Variants in TMEM140 observed in about 807,000 individuals in gnomAD.
TMEM140 encodes transmembrane protein 140.
For synonymous variants in TMEM140, 107 were observed against 106.8 expected, an observed-to-expected ratio of 1.00 and a Z score of -0.01; for missense variants, 236 against 228.5, an observed-to-expected ratio of 1.03 and a Z score of -0.21.
At position 135,164,932 on chromosome 7, in the gene TMEM140, T is replaced by C. The variant is rs756322177; in HGVS notation, c.491T>C (p.Leu164Ser). 9.3e-6 allele frequency: 15 copies of C among 1,613,766 alleles called. No individual in the cohort carries two copies. In the South Asian group the frequency reaches 1.6e-4, roughly 18 times the overall value. The change falls in exon 2 of 2, where the codon TTG (leucine) becomes TCG (serine). Residue 164 changes from leucine (L) to serine (S), a missense_variant. Leu to Ser is a moderately radical substitution (Grantham distance 145). Transcript: ENST00000275767. ...AGCGCCCAGGCCTTACTCATCCTCT[T>C]GCTTATAGCCATGGCTGTGTTCCCT... Reference protein sequence around the residue: ...LGSAQALLILLLIAMAVFPLR... With the variant: ...LGSAQALLILSLIAMAVFPLR...
chr7:135,148,421 G>C (rs1298040510), intron 1 of TMEM140, among the ~76,000 whole-genome samples, 151 bp downstream of exon 1: 5 of 152,178 alleles, frequency 3.3e-5, no homozygotes, highest in Non-Finnish European at 5.9e-5. Context: ...CCTCGCTCAT[G>C]TCTGTATAAT....
chr7:135,163,582 T>C (rs1231745862), intron 1 of TMEM140, among the ~76,000 whole-genome samples: 15 of 152,112 alleles, frequency 9.9e-5, no homozygotes, highest in Non-Finnish European at 1.5e-5. Context: ...GAGGCAGAGA[T>C]TGCAGTGAGC....
chr7:135,159,941 A>G (rs1265093896), intron 1 of TMEM140, among the ~76,000 whole-genome samples: 7 of 152,248 alleles, frequency 4.6e-5, no homozygotes, highest in African/African-American at 1.4e-4. Flanking sequence ...TGGTGGAAAC[A>G]TAAGTTGATT....
At chr7:135,160,127 C>T (rs1416621157) in intron 1 of TMEM140, among the ~76,000 whole-genome samples, 1 of 152,178 alleles carries the variant, frequency 6.6e-6, no homozygotes, top group African/African-American at 2.4e-5. Context: ...TTTATGTAAT[C>T]CCAACAGTGT....
At chr7:135,156,389 T>C (rs1021479312) in intron 1 of TMEM140, among the ~76,000 whole-genome samples, 4 of 152,170 alleles carry the variant, frequency 2.6e-5, no homozygotes, top group African/African-American at 9.7e-5. Flanking sequence ...AAAGGCTTTA[T>C]TCATTCTTTT....
At chr7:135,164,333 A>T in intron 1 of TMEM140, 85 bp from the exon 2 acceptor site, 1 of 1,166,950 alleles carries the variant, frequency 8.6e-7, no homozygotes, top group Non-Finnish European at 1.2e-6. Flanking sequence ...AGTTTGTAAG[A>T]AATGCCAAAG....
At chr7:135,157,182 C>T (rs1033272698) in intron 1 of TMEM140, among the ~76,000 whole-genome samples, 5 of 152,190 alleles carry the variant, frequency 3.3e-5, no homozygotes, top group African/African-American at 4.8e-5. Context: ...GATTTCTTTG[C>T]GTCTGGTGTA....
intron 1 of TMEM140, among the ~76,000 whole-genome samples, chr7:135,156,943 G>C (rs1406445894): frequency 6.6e-6 from 1 of 152,172 alleles, no homozygotes; most frequent in Non-Finnish European, 1.5e-5. Flanking sequence ...GGGTTCATCA[G>C]GGTTTCTGCT....
Position 135,164,850 on chromosome 7 carries a change from T to C in TMEM140, c.409T>C (p.Tyr137His). The change falls in exon 2 of 2, where the codon TAT (tyrosine) becomes CAT (histidine). Residue 137 changes from tyrosine (Y) to histidine (H), a missense_variant. Transcript: ENST00000275767. ...AGGCGGCCTGGGCCTCTTCCTCTCC[T>C]ATGTGTGGAAGTGGGTCAGGCTCTC... Reference protein sequence around the residue: ...LAGGLGLFLSYVWKWVRLSLP... With the variant: ...LAGGLGLFLSHVWKWVRLSLP... 1 of 1,613,974 alleles carries C rather than the reference T, an allele frequency of 6.2e-7. No individual in the cohort carries two copies. The highest frequency in any genetic ancestry group is 8.5e-7 in the Non-Finnish European group (1 of 1,179,870).
rs919263873 is a variant in TMEM140 at position 135,161,337 on chromosome 7, AT to A, written c.-24-3073del. ...TGTTTTCAAAGCAAAACGTTTAATA[AT>A]TTTTTTTGGAACCCCAGTGTAACAG... On this transcript the variant is annotated intron_variant, in intron 1 of 1. Coordinates refer to ENST00000275767, the MANE Select transcript of TMEM140 (RefSeq NM_018295.5). The surrounding 1 kb of genome is among the most constrained non-coding windows in gnomAD (Gnocchi z 4.1). Among the ~76,000 whole-genome samples, 6 of 152,040 alleles carry A rather than the reference AT, an allele frequency of 3.9e-5. No individual in the cohort carries two copies. Among genetic ancestry groups the A allele is most frequent in the Non-Finnish European group, 5.9e-5 (4 of 67,970 alleles).
chr7:135,153,558 A>G (rs1328957054), intron 1 of TMEM140, among the ~76,000 whole-genome samples: 1 of 152,154 alleles, frequency 6.6e-6, no homozygotes. Context: ...GGGAATGTAA[A>G]TTAATACAAC....
chr7:135,164,960 G>C lies in TMEM140; in HGVS notation c.519G>C (p.Leu173=). Reference sequence around the variant, plus strand: ...TTATAGCCATGGCTGTGTTCCCTCTGAGGGCTGAGAGGGCTGAGAGCAAGC... The same window carrying C: ...TTATAGCCATGGCTGTGTTCCCTCTCAGGGCTGAGAGGGCTGAGAGCAAGC... The part of the protein sequence containing the change: ...LLLIAMAVFP[L]RAERAESKLE... The change falls in exon 2 of 2, where the codon CTG becomes CTC. Residue 173 remains leucine (L), a synonymous_variant. Coordinates refer to ENST00000275767, the MANE Select transcript of TMEM140 (RefSeq NM_018295.5). 1 of 1,604,176 alleles carries C rather than the reference G, an allele frequency of 6.2e-7. No individual in the cohort carries two copies. Among genetic ancestry groups the C allele is most frequent in the Non-Finnish European group, 8.5e-7 (1 of 1,173,330 alleles).
chr7:135,152,515 A>G (rs1289008870), intron 1 of TMEM140, among the ~76,000 whole-genome samples: 1 of 152,230 alleles, frequency 6.6e-6, no homozygotes, highest in Non-Finnish European at 1.5e-5. Context: ...GAAAACAGTA[A>G]CTCTACCCTA....
intron 1 of TMEM140, 27 bp from the exon 2 acceptor site, chr7:135,164,391 G>T: frequency 6.5e-7 from 1 of 1,530,684 alleles, no homozygotes; most frequent in South Asian, 1.2e-5. Flanking sequence ...AGGGAGAGAT[G>T]GACTGACTGC....
chr7:135,159,611 G>C (rs1282658640), intron 1 of TMEM140, among the ~76,000 whole-genome samples: 1 of 152,204 alleles, frequency 6.6e-6, no homozygotes, highest in African/African-American at 2.4e-5. Flanking sequence ...TTGTTCCAGA[G>C]GACCTAGTGC....
Position 135,164,552 on chromosome 7 carries a change from C to T in TMEM140, c.111C>T (p.Gly37=), listed in dbSNP as rs1386082566. The change falls in exon 2 of 2, where the codon GGC becomes GGT. Residue 37 remains glycine, a synonymous_variant. Transcript: ENST00000275767. Reference sequence around the variant, plus strand: ...TTTACGCTCTTCTCTGGGAGGCTGGCAACCTCACTGACCTGCCCAACCTGA... The same window carrying T: ...TTTACGCTCTTCTCTGGGAGGCTGGTAACCTCACTGACCTGCCCAACCTGA... ...LMFYALLWEA[G]NLTDLPNLRI... 1 of 1,614,218 alleles carries T rather than the reference C, an allele frequency of 6.2e-7. No individual in the cohort carries two copies. Among genetic ancestry groups the T allele is most frequent in the Non-Finnish European group, 8.5e-7 (1 of 1,180,006 alleles).
At chr7:135,156,523 C>T (rs1829798007) in intron 1 of TMEM140, among the ~76,000 whole-genome samples, 1 of 151,834 alleles carries the variant, frequency 6.6e-6, no homozygotes, top group Non-Finnish European at 1.5e-5. Context: ...TGGTGTATTT[C>T]CTTCAATGAA....
chr7:135,155,083 C>T (rs1167267319), intron 1 of TMEM140, among the ~76,000 whole-genome samples: 1 of 152,184 alleles, frequency 6.6e-6, no homozygotes, highest in African/African-American at 2.4e-5. Context: ...CATCATTATA[C>T]AATGACCTTA....
intron 1 of TMEM140, among the ~76,000 whole-genome samples, chr7:135,159,497 C>T (rs553255343): frequency 4.1e-4 from 62 of 152,284 alleles, no homozygotes; most frequent in Admixed American, 1.4e-3. Context: ...GAATTTGTAT[C>T]GCCTTTAAGC....
Sources: gnomAD v4.1 joint callset for allele counts (sites outside exome capture counted in the v4.1 genomes callset) on GRCh38, gnomAD v4.1.1 for gene constraint, Gnocchi (gnomAD v3.1) non-coding constraint, MANE v1.5 for transcripts, NCBI Gene and HGNC (gene_info 2026-07-23, HGNC 2026-07-21) for gene names.